Variants in MRPS27 observed in about 807,000 individuals in gnomAD.
MRPS27 encodes the protein small ribosomal subunit protein mS27.
A neutral mutation model predicts 48.9 loss-of-function variants in MRPS27; 43 were observed. The ratio of observed to expected loss-of-function variants is 0.88; its 90% confidence interval spans 0.69 to 1.13. The LOEUF (loss-of-function observed/expected upper bound fraction) is 1.13, where lower values mean the gene tolerates loss of function less well. Among genes scored for constraint, MRPS27 ranks in the 50% most tolerant of loss-of-function variants. The pLI is 0.00. For missense variants in MRPS27, 467 were observed against 476.3 expected, an observed-to-expected ratio of 0.98 and a Z score of 0.18; for synonymous variants, 188 against 171.9, an observed-to-expected ratio of 1.09 and a Z score of -0.73.
chr5:72,305,042 T>C (rs1047989659), intron 2 of MRPS27, among the ~76,000 whole-genome samples: 9 of 152,190 alleles, frequency 5.9e-5, no homozygotes, highest in African/African-American at 1.9e-4. Context: ...ATATCATGCA[T>C]TGAATATACA....
intron 4 of MRPS27, among the ~76,000 whole-genome samples, chr5:72,292,203 GT>G (rs1213885749): frequency 0.038 from 3,525 of 92,148 alleles, 78 homozygotes; most frequent in African/African-American, 0.14. Context: ...GGTATTACCA[GT>G]TTTTTTTTTT....
chr5:72,250,183 C>A lies in MRPS27; in HGVS notation c.282-12055G>T, dbSNP rs77770843. ...AAAATAAATCCAACTTTTCTCTCTT[C>A]TTCCCAATAGTCTGTCTTTTTTGTT... On this transcript the variant is annotated intron_variant, in intron 4 of 10. Coordinates refer to ENST00000261413, the MANE Select transcript of MRPS27 (RefSeq NM_015084.3). Among the ~76,000 whole-genome samples the A allele has an allele frequency of 3.7e-3, 566 of 152,250 alleles. 1 individual carries two copies. The highest frequency in any genetic ancestry group is 0.013 in the African/African-American group (550 of 41,552).
chr5:72,270,921 T>A (rs1196897127), intron 4 of MRPS27, among the ~76,000 whole-genome samples: 1 of 152,074 alleles, frequency 6.6e-6, no homozygotes, highest in Non-Finnish European at 1.5e-5. Context: ...GAAAAAACAT[T>A]TAACAAAATT....
intron 2 of MRPS27, 22 bp from the exon 3 acceptor site, chr5:72,297,724 A>G: frequency 6.6e-7 from 1 of 1,503,920 alleles, no homozygotes; most frequent in Non-Finnish European, 9.0e-7. Flanking sequence ...AAAAAAGAAA[A>G]AAAACCTTGT....
intron 4 of MRPS27, among the ~76,000 whole-genome samples, chr5:72,275,334 ACTT>A: frequency 6.6e-6 from 1 of 152,210 alleles, no homozygotes; most frequent in South Asian, 2.1e-4. Context: ...AAAGTGAAGG[ACTT>A]CTTCAAGGAG....
chr5:72,222,248 C>A (rs143795922), intron 10 of MRPS27, among the ~76,000 whole-genome samples: 108 of 152,330 alleles, frequency 7.1e-4, no homozygotes, highest in African/African-American at 2.6e-3. Flanking sequence ...TTGAGGCCAA[C>A]AAGACAGCTT....
At position 72,254,631 on chromosome 5, in the gene MRPS27, T is replaced by A. The variant is rs562228732; in HGVS notation, c.282-16503A>T. ...TACCACATTACAACAAGAACAAGGA[T>A]CTCTTCTTCATTCCCATAGCAATAT... On this transcript the variant is annotated intron_variant, in intron 4 of 10. Coordinates refer to ENST00000261413, the MANE Select transcript of MRPS27 (RefSeq NM_015084.3). Among the ~76,000 whole-genome samples the A allele has an allele frequency of 2.0e-5, 3 of 152,260 alleles. No individual in the cohort carries two copies. In the East Asian group the frequency reaches 5.8e-4, roughly 29 times the overall value.
At chr5:72,232,205 G>A (rs1748080571) in intron 7 of MRPS27, among the ~76,000 whole-genome samples, 1 of 152,134 alleles carries the variant, frequency 6.6e-6, no homozygotes, top group South Asian at 2.1e-4. Flanking sequence ...TGTCTGAGGT[G>A]CACTCAGCCT....
chr5:72,223,429 A>C (rs1747805688), intron 10 of MRPS27, among the ~76,000 whole-genome samples: 1 of 152,364 alleles, frequency 6.6e-6, no homozygotes, highest in Middle Eastern at 3.4e-3. Flanking sequence ...CATATCAGGA[A>C]TAAGTGGGTA....
intron 3 of MRPS27, 77 bp downstream of exon 3, chr5:72,297,555 A>T: frequency 1.2e-6 from 1 of 839,540 alleles, no homozygotes; most frequent in Non-Finnish European, 1.9e-6. Context: ...TTTTATTTAC[A>T]CAGCCTCATC....
intron 4 of MRPS27, among the ~76,000 whole-genome samples, chr5:72,257,405 G>C (rs923339907): frequency 6.6e-6 from 1 of 152,056 alleles, no homozygotes; most frequent in Non-Finnish European, 1.5e-5. Context: ...TCCCTAGCTG[G>C]TAAGTTTTCT....
intron 2 of MRPS27, among the ~76,000 whole-genome samples, chr5:72,301,406 A>G (rs1750123996): frequency 6.6e-6 from 1 of 152,210 alleles, no homozygotes; most frequent in Non-Finnish European, 1.5e-5. Context: ...TCTTTTGATC[A>G]TTTCATAATG....
At chr5:72,316,189 T>C (rs1383940920) in intron 1 of MRPS27, among the ~76,000 whole-genome samples, 1 of 152,180 alleles carries the variant, frequency 6.6e-6, no homozygotes, top group East Asian at 1.9e-4. Context: ...AGAAAGTAGA[T>C]TCATGGTTGC....
chr5:72,220,925 G>C lies in MRPS27; in HGVS notation c.1229C>G (p.Ala410Gly). The part of the protein sequence containing the change: ...AKQEYQAQKA[A>G]KASA ...GGGACCCTATTAGGCAGATGCCTTT[G>C]CTGCTTTCTGAGCCTGGTACTCCTG... The change falls in exon 11 of 11, where the codon GCA (alanine) becomes GGA (glycine). Residue 410 changes from alanine (A) to glycine (G), a missense_variant. Coordinates refer to ENST00000261413, the MANE Select transcript of MRPS27 (RefSeq NM_015084.3). 1 of 1,614,156 alleles carries C rather than the reference G, an allele frequency of 6.2e-7. No homozygotes were observed. The highest frequency in any genetic ancestry group is 8.5e-7 in the Non-Finnish European group (1 of 1,179,994).
intron 4 of MRPS27, among the ~76,000 whole-genome samples, chr5:72,255,876 T>C (rs1748789439): frequency 6.6e-6 from 1 of 152,202 alleles, no homozygotes; most frequent in African/African-American, 2.4e-5. Context: ...CTATCAACTT[T>C]GAACCAACAA....
At chr5:72,312,009 G>A (rs1750452555) in intron 2 of MRPS27, among the ~76,000 whole-genome samples, 1 of 152,158 alleles carries the variant, frequency 6.6e-6, no homozygotes, top group African/African-American at 2.4e-5. Flanking sequence ...GCGTGCGGCT[G>A]TAACCCCAGC....
At chr5:72,250,096 T>C (rs1013033805) in intron 4 of MRPS27, among the ~76,000 whole-genome samples, 7 of 152,254 alleles carry the variant, frequency 4.6e-5, no homozygotes, top group African/African-American at 1.4e-4. Flanking sequence ...TTCCCATGTA[T>C]ATAACACTGA....
At chr5:72,318,295 G>A (rs756000266) in intron 1 of MRPS27, among the ~76,000 whole-genome samples, 13 of 152,206 alleles carry the variant, frequency 8.5e-5, no homozygotes, top group Non-Finnish European at 1.6e-4. Flanking sequence ...GCTGTTGGTT[G>A]ACTCTGCAGA....
chr5:72,270,608 TAAAC>T (rs1276410613), intron 4 of MRPS27, among the ~76,000 whole-genome samples: 4 of 152,136 alleles, frequency 2.6e-5, no homozygotes, highest in South Asian at 4.1e-4. Context: ...AAGAAACTCT[TAAAC>T]AAACTTTCAG....
Sources: gnomAD v4.1 joint callset for allele counts (sites outside exome capture counted in the v4.1 genomes callset) on GRCh38, gnomAD v4.1.1 for gene constraint, MANE v1.5 for transcripts, NCBI Gene and HGNC (gene_info 2026-07-23, HGNC 2026-07-21) for gene names.